The following BAHCC1 variants were observed in gnomAD, a reference collection of about 807,000 sequenced individuals.
The protein encoded by BAHCC1 is BAH and coiled-coil domain-containing protein 1.
In BAHCC1, 43 loss-of-function variants were observed where a neutral mutation model predicts 88.2. The observed-to-expected ratio is 0.49, with a 90% confidence interval of 0.38 to 0.63. The LOEUF is 0.63. Among genes scored for constraint, BAHCC1 ranks in the 20% least tolerant of loss-of-function variants. The probability of loss-of-function intolerance (pLI) is 0.00; values close to 1 mark genes in which losing one functional copy is unlikely to be tolerated. For missense variants in BAHCC1, 3,023 were observed against 1,654.8 expected (o/e 1.83, Z -14.34); for synonymous variants, 1,510 against 745.5 (o/e 2.03, Z -16.71).
At chr17:81,443,954 A>G in intron 6 of BAHCC1, 37 bp downstream of exon 6, 1 of 702,772 alleles carries the variant, frequency 1.4e-6, no homozygotes, top group South Asian at 1.5e-5. Context: ...GAGTGGGGCT[A>G]GGCCTGGGCT....
chr17:81,413,821 TG>T (rs782119466), intron 2 of BAHCC1, among the ~76,000 whole-genome samples: 2 of 152,218 alleles, frequency 1.3e-5, no homozygotes, highest in Admixed American at 1.3e-4. Context: ...CTTCTCTGGA[TG>T]GGGCGCAGGG....
At chr17:81,407,643 G>T (rs1050848425) in intron 2 of BAHCC1, among the ~76,000 whole-genome samples, 4 of 152,216 alleles carry the variant, frequency 2.6e-5, no homozygotes, top group Non-Finnish European at 5.9e-5. Context: ...AGACATTGCC[G>T]CCTGGCAGGG....
At chr17:81,405,699 C>G (rs2063869722) in intron 2 of BAHCC1, among the ~76,000 whole-genome samples, 1 of 152,120 alleles carries the variant, frequency 6.6e-6, no homozygotes, top group African/African-American at 2.4e-5. Context: ...CTCCATCGTG[C>G]CCCCCTGCCC....
rs375408182 is a variant in BAHCC1 at position 81,434,886 on chromosome 17, G to A, written c.359-3484G>A. 5.5e-4 allele frequency among the ~76,000 whole-genome samples: 84 copies of A among 152,162 alleles called. No individual in the cohort carries two copies. Among genetic ancestry groups the A allele is most frequent in the African/African-American group, 1.6e-3 (67 of 41,510 alleles). On this transcript the variant is annotated intron_variant, in intron 3 of 27. Transcript: ENST00000675386. This position sits in a 1 kb window ranked among gnomAD's most constrained non-coding sequence, Gnocchi z 4.9. ...ACGCAGGAGGGATGAGGGGGATGAGGTACCTGGAGTGGGGGTGCCCGTCAG... is the reference window on the plus strand; with the variant it reads ...ACGCAGGAGGGATGAGGGGGATGAGATACCTGGAGTGGGGGTGCCCGTCAG...
At chr17:81,438,738 T>C (rs1184566117) in intron 4 of BAHCC1, among the ~76,000 whole-genome samples, 1 of 152,112 alleles carries the variant, frequency 6.6e-6, no homozygotes, top group Non-Finnish European at 1.5e-5. Flanking sequence ...CTCTCACTGC[T>C]CAGGTGGGAG....
Position 81,462,985 on chromosome 17 carries a change from C to T in BAHCC1, c.7620+9C>T, listed in dbSNP as rs781942586. 2.2e-5 allele frequency: 17 copies of T among 778,480 alleles called. No homozygotes were observed. Among genetic ancestry groups the T allele is most frequent in the Non-Finnish European group, 3.4e-5 (14 of 417,426 alleles). The allele number at this position is 778,480 out of a possible 1,614,324, so 48.2% of individuals were successfully genotyped here. A position where few individuals can be genotyped will look rare whatever the true frequency, so the allele number is the denominator to read the frequency against. The stretch of plus-strand genomic sequence containing the variant: ...GGCAGTGCGACGGCAAGGTGAGGCC[C>T]GGACAGGTGTGGGGCCCAGCCCCCC... On this transcript the variant is annotated intron_variant, in intron 27 of 27. Coordinates refer to ENST00000675386, the MANE Select transcript of BAHCC1 (RefSeq NM_001377448.1).
In BAHCC1 at chr17:81,460,343, G is replaced by A. The variant is rs374862870; in HGVS notation, c.5972G>A (p.Gly1991Asp). The change falls in exon 24 of 28, where the codon GGC becomes GAC. Residue 1991 changes from glycine to aspartate, a missense_variant. Coordinates refer to ENST00000675386, the MANE Select transcript of BAHCC1 (RefSeq NM_001377448.1). ...VVVEFDDGDT[G>D]HIAVSNVRLL... is the part of the protein sequence containing the mutation. ...GTGGAATTTGACGATGGGGATACAG[G>A]CCACATCGCCGTCTCCAACGTCAGG... The A allele has an allele frequency of 1.3e-6, 1 of 776,244 alleles. No homozygotes were observed. Among genetic ancestry groups the A allele is most frequent in the Non-Finnish European group, 2.4e-6 (1 of 416,292 alleles). The allele number at this position is 776,244 out of a possible 1,614,324, so 48.1% of individuals were successfully genotyped here. A position where few individuals can be genotyped will look rare whatever the true frequency, so the allele number is the denominator to read the frequency against.
chr17:81,446,049 C>T (rs1333792650), intron 10 of BAHCC1, among the ~76,000 whole-genome samples: 1 of 151,500 alleles, frequency 6.6e-6, no homozygotes, highest in Non-Finnish European at 1.5e-5. Flanking sequence ...AGGGTCTCAG[C>T]AAAGCTGGGA....
intron 2 of BAHCC1, among the ~76,000 whole-genome samples, chr17:81,409,704 G>A (rs1049229881): frequency 2.0e-5 from 3 of 152,162 alleles, no homozygotes; most frequent in Non-Finnish European, 2.9e-5. Context: ...GAGGGAAATC[G>A]GGCCCAGGGA....
At chr17:81,429,187 A>G (rs915288921) in intron 3 of BAHCC1, among the ~76,000 whole-genome samples, 189 of 152,212 alleles carry the variant, frequency 1.2e-3, no homozygotes, top group African/African-American at 4.3e-3. Context: ...AGGCGGGACA[A>G]GGGGGTGCAG....
chr17:81,412,136 G>C (rs2063962430), intron 2 of BAHCC1, among the ~76,000 whole-genome samples: 1 of 152,140 alleles, frequency 6.6e-6, no homozygotes, highest in South Asian at 2.1e-4. Context: ...GGTCCCCCAG[G>C]ATCCTCCGGA....
chr17:81,396,416 CT>C (rs1555644918), intron 1 of BAHCC1: 9 of 152,216 alleles, frequency 5.9e-5, no homozygotes. Flanking sequence ...GGTCCGCGGG[CT>C]GGTTTTCTTC....
At chr17:81,404,117 A>G (rs2063851501) in intron 2 of BAHCC1, among the ~76,000 whole-genome samples, 1 of 152,224 alleles carries the variant, frequency 6.6e-6, no homozygotes, top group African/African-American at 2.4e-5. Context: ...ACAGGGTTCA[A>G]CAGCCCCCAC....
At position 81,443,758 on chromosome 17, in the gene BAHCC1, G is replaced by A; in HGVS notation, c.2216-51G>A. On this transcript the variant is annotated intron_variant, in intron 5 of 27. Transcript: ENST00000675386. The stretch of plus-strand genomic sequence containing the variant: ...GGGTCACTGCTTGCCTTAGCTGGTG[G>A]CTCCCTGGCCGCCCCAACCCTCTCC... 4.3e-6 allele frequency: 3 copies of A among 700,440 alleles called. No homozygotes were observed. The East Asian group carries it at 8.1e-5, about 19-fold the overall frequency. 43.4% of individuals were successfully genotyped at this position (700,440 alleles called of 1,614,324 possible).
At position 81,441,487 on chromosome 17, in the gene BAHCC1, C is replaced by T. The variant is rs553106298; in HGVS notation, c.482-344C>T. Among the ~76,000 whole-genome samples, 61 of 152,094 alleles carry T rather than the reference C, an allele frequency of 4.0e-4. No homozygotes were observed. The East Asian group carries it at 0.011, about 28-fold the overall frequency. On this transcript the variant is annotated intron_variant, in intron 4 of 27. Transcript: ENST00000675386. ...ACCATCCTGGCTAACATGGTGAAAC[C>T]CCGTCTCTACTAAAAATACAAAAAG...
chr17:81,397,395 GA>G (rs869105058), intron 1 of BAHCC1, among the ~76,000 whole-genome samples: 1,535 of 132,584 alleles, frequency 0.012, 12 homozygotes, highest in Non-Finnish European at 0.018. Context: ...TTATTGGAGA[GA>G]AAAAAAAAAA....
intron 2 of BAHCC1, among the ~76,000 whole-genome samples, chr17:81,413,581 C>A (rs1163044874): frequency 6.6e-6 from 1 of 152,242 alleles, no homozygotes; most frequent in Non-Finnish European, 1.5e-5. Context: ...GTCTCAGCAC[C>A]TGTGGGAGGT....
At chr17:81,417,634 T>C (rs557389512) in intron 2 of BAHCC1, among the ~76,000 whole-genome samples, 1 of 149,252 alleles carries the variant, frequency 6.7e-6, no homozygotes, top group Admixed American at 6.8e-5. Context: ...TCCTTTTCTT[T>C]TATTAGTTCT....
intron 3 of BAHCC1, among the ~76,000 whole-genome samples, chr17:81,436,374 C>A (rs572861312): frequency 1.9e-4 from 29 of 152,370 alleles, no homozygotes; most frequent in African/African-American, 5.3e-4. Flanking sequence ...ACTGCCTGCT[C>A]CCCGCAGAGA....
Sources: allele counts gnomAD v4.1 joint callset (sites outside exome capture counted in the v4.1 genomes callset), GRCh38; gene constraint gnomAD v4.1.1; non-coding constraint Gnocchi (gnomAD v3.1); transcripts MANE v1.5; gene names NCBI Gene and HGNC (gene_info 2026-07-23, HGNC 2026-07-21).